BBX: variants seen among roughly 807,000 people sequenced by gnomAD.
BBX encodes HMG box transcription factor BBX.
Under a neutral mutation model 100.2 loss-of-function variants are expected in BBX, and 30 were observed. The observed-to-expected ratio is 0.30, with a 90% CI of 0.22 to 0.41. BBX has a LOEUF of 0.41. BBX is among the 10% of genes least tolerant of loss of function. The pLI, the probability that BBX is intolerant of heterozygous loss-of-function variation, is 1.00. For missense variants in BBX, 1,023 were observed against 1,129.8 expected, an observed-to-expected ratio of 0.91 and a Z score of 1.35; for synonymous variants, 376 against 388.1, an observed-to-expected ratio of 0.97 and a Z score of 0.37.
intron 5 of BBX, among the ~76,000 whole-genome samples, chr3:107,727,060 A>T (rs1355322847): frequency 6.6e-6 from 1 of 152,030 alleles, no homozygotes; most frequent in Non-Finnish European, 1.5e-5. Context: ...CATTTTTCAC[A>T]ATTATGACTT....
intron 10 of BBX, among the ~76,000 whole-genome samples, chr3:107,769,396 T>C (rs2066711251): frequency 6.6e-6 from 1 of 152,174 alleles, no homozygotes; most frequent in Non-Finnish European, 1.5e-5. Context: ...GTTACCCCAT[T>C]TCTTAGCCTC....
intron 2 of BBX, among the ~76,000 whole-genome samples, chr3:107,643,986 A>T (rs2057373024): frequency 6.6e-6 from 1 of 152,144 alleles, no homozygotes. Context: ...TAAGAGATTT[A>T]AAAAACCCAT....
intron 8 of BBX, among the ~76,000 whole-genome samples, chr3:107,745,447 A>C (rs1240816334): frequency 6.6e-6 from 1 of 151,996 alleles, no homozygotes; most frequent in African/African-American, 2.4e-5. Context: ...AGTTTTATAC[A>C]GGGGGAACAT....
At chr3:107,783,059 G>T (rs1183121762) in intron 13 of BBX, among the ~76,000 whole-genome samples, 1 of 152,032 alleles carries the variant, frequency 6.6e-6, no homozygotes, top group Non-Finnish European at 1.5e-5. Context: ...AGGAAAAGAT[G>T]TAATAGTAAA....
At chr3:107,645,382 T>C (rs2057456071) in intron 2 of BBX, among the ~76,000 whole-genome samples, 1 of 152,216 alleles carries the variant, frequency 6.6e-6, no homozygotes. Flanking sequence ...CTATTAACTT[T>C]AAAATATTTA....
intron 3 of BBX, among the ~76,000 whole-genome samples, chr3:107,705,856 A>G (rs1262294330): frequency 6.6e-6 from 1 of 152,092 alleles, no homozygotes; most frequent in South Asian, 2.1e-4. Flanking sequence ...TTTGTGGTAG[A>G]GGCAGGATTC....
chr3:107,771,186 T>C (rs1218731680), intron 10 of BBX, among the ~76,000 whole-genome samples: 1 of 152,188 alleles, frequency 6.6e-6, no homozygotes, highest in East Asian at 1.9e-4. Flanking sequence ...GACCTGACCT[T>C]ATTGATTTTT....
intron 10 of BBX, among the ~76,000 whole-genome samples, chr3:107,769,876 C>CT (rs2066754447): frequency 6.6e-6 from 1 of 152,156 alleles, no homozygotes; most frequent in Non-Finnish European, 1.5e-5. Flanking sequence ...ACGCCCAACT[C>CT]TGAGAGTCTG....
At chr3:107,729,040 C>CG (rs2063149092) in intron 6 of BBX, 80 bp downstream of exon 6, 2 of 1,416,772 alleles carry the variant, frequency 1.4e-6, no homozygotes, top group Non-Finnish European at 9.6e-7. Flanking sequence ...ATACTGAGGG[C>CG]GGGGGGACAA....
At position 107,765,346 on chromosome 3, in the gene BBX, T is replaced by G. The variant is rs1009297972; in HGVS notation, c.907-7282T>G. ...TTGAAAAACTGAGGCACAGAAAAATTTAGGGAAAATAGCTAATCAGTAGCA... is the reference window on the plus strand; with the variant it reads ...TTGAAAAACTGAGGCACAGAAAAATGTAGGGAAAATAGCTAATCAGTAGCA... On this transcript the variant is annotated intron_variant, in intron 10 of 17. Transcript: ENST00000325805. Among the ~76,000 whole-genome samples the G allele has an allele frequency of 3.9e-5, 6 of 152,160 alleles. No homozygotes were observed. The South Asian group carries it at 1.0e-3, about 26-fold the overall frequency.
At chr3:107,774,694 C>T (rs370953299) in intron 11 of BBX, 25 bp from the exon 12 acceptor site, 5 of 1,610,940 alleles carry the variant, frequency 3.1e-6, no homozygotes, top group South Asian at 1.1e-5. Context: ...ATACCAAACA[C>T]ATCCTTTCTC....
intron 3 of BBX, among the ~76,000 whole-genome samples, chr3:107,684,389 C>T (rs1007004645): frequency 7.9e-5 from 12 of 152,102 alleles, no homozygotes; most frequent in South Asian, 2.1e-4. Flanking sequence ...CCCATAGTTG[C>T]GATATTTTTT....
intron 8 of BBX, among the ~76,000 whole-genome samples, chr3:107,747,561 A>G (rs970361419): frequency 9.9e-5 from 15 of 152,166 alleles, no homozygotes; most frequent in African/African-American, 3.4e-4. Context: ...GCTGCCTCTA[A>G]CTAGAGAACA....
chr3:107,766,408 A>T (rs2066397405), intron 10 of BBX, among the ~76,000 whole-genome samples: 1 of 152,206 alleles, frequency 6.6e-6, no homozygotes, highest in Non-Finnish European at 1.5e-5. Context: ...AAAACAAACA[A>T]ATCTTAAGAC....
chr3:107,616,704 G>T (rs2055315204), intron 2 of BBX, among the ~76,000 whole-genome samples: 1 of 151,690 alleles, frequency 6.6e-6, no homozygotes, highest in African/African-American at 2.4e-5. Flanking sequence ...TATCTCTTTT[G>T]GTAAATTGTT....
chr3:107,610,336 A>G (rs939641055), intron 2 of BBX, among the ~76,000 whole-genome samples: 10 of 152,086 alleles, frequency 6.6e-5, no homozygotes, highest in Non-Finnish European at 1.2e-4. Context: ...TTTTGCAGCT[A>G]TTGGATGAAG....
intron 5 of BBX, among the ~76,000 whole-genome samples, chr3:107,725,688 T>C (rs1312682743): frequency 6.6e-6 from 1 of 152,082 alleles, no homozygotes; most frequent in African/African-American, 2.4e-5. Context: ...GGATTTCTAA[T>C]GTATTATTCT....
intron 3 of BBX, among the ~76,000 whole-genome samples, chr3:107,697,508 C>G (rs1012527511): frequency 1.3e-5 from 2 of 151,810 alleles, no homozygotes; most frequent in Admixed American, 6.5e-5. Flanking sequence ...TTAGGCTGCT[C>G]GGGGGTCAGG....
chr3:107,793,008 A>G (rs1417942253), intron 15 of BBX, among the ~76,000 whole-genome samples: 3 of 152,150 alleles, frequency 2.0e-5, no homozygotes, highest in Non-Finnish European at 4.4e-5. Context: ...AGCATTTTTC[A>G]GTATGACAAA....
Sources: allele counts gnomAD v4.1 joint callset (sites outside exome capture counted in the v4.1 genomes callset), GRCh38; gene constraint gnomAD v4.1.1; transcripts MANE v1.5; gene names NCBI Gene and HGNC (gene_info 2026-07-23, HGNC 2026-07-21).